The following RNF111 variants were observed in gnomAD, a reference collection of about 807,000 sequenced individuals.
The protein encoded by RNF111 is E3 ubiquitin-protein ligase Arkadia.
In RNF111, 17 loss-of-function variants were observed where a neutral mutation model predicts 95.1. The ratio of observed to expected loss-of-function variants is 0.18; its 90% CI spans 0.12 to 0.27. The LOEUF (loss-of-function observed/expected upper bound fraction) is 0.27. Ranked by LOEUF, RNF111 falls within the 10% of genes least tolerant of loss-of-function variation. The pLI is 1.00. For synonymous variants in RNF111, 440 were observed against 414.8 expected (o/e 1.06, Z -0.74); for missense variants, 1,189 against 1,210.4 (o/e 0.98, Z 0.26).
At position 59,075,981 on chromosome 15, in the gene RNF111, A is replaced by AGTG. The variant is rs1566935402; in HGVS notation, c.1717_1719dup (p.Gly573dup). 1 of 1,614,236 alleles carries AGTG rather than the reference A, an allele frequency of 6.2e-7. No homozygotes were observed. Among genetic ancestry groups the AGTG allele is most frequent in the East Asian group, 2.2e-5 (1 of 44,876 alleles). On this transcript the variant is annotated inframe_insertion, in exon 7 of 14. Transcript: ENST00000348370. ...GGCATTGCCAGTGGACCTGAGCAAC[A>AGTG]GTGGTATCAGAAGTCATGGAAGTGG... is the stretch of plus-strand genomic sequence containing the variant.
chr15:59,089,083 A>G (rs1412453688), intron 10 of RNF111, among the ~76,000 whole-genome samples: 2 of 152,098 alleles, frequency 1.3e-5, no homozygotes, highest in Non-Finnish European at 2.9e-5. Context: ...GGCAACTGCA[A>G]TTTTTTGCCA....
chr15:59,007,836 G>A (rs1445917100), intron 1 of RNF111, among the ~76,000 whole-genome samples: 1 of 151,980 alleles, frequency 6.6e-6, no homozygotes. Context: ...TTTTTTGTGG[G>A]GTTGTGTTAT....
chr15:59,004,474 A>G (rs1277829297), intron 1 of RNF111, among the ~76,000 whole-genome samples: 1 of 152,178 alleles, frequency 6.6e-6, no homozygotes, highest in Non-Finnish European at 1.5e-5. Flanking sequence ...TCTTTTTATC[A>G]CCTTGATCAG....
chr15:59,072,011 TCA>T (rs1323320015), intron 6 of RNF111, among the ~76,000 whole-genome samples: 11 of 152,232 alleles, frequency 7.2e-5, no homozygotes, highest in Non-Finnish European at 1.0e-4. Context: ...TAAAAATACT[TCA>T]GTTTAAAAAT....
At chr15:59,071,772 A>G (rs972616276) in intron 6 of RNF111, among the ~76,000 whole-genome samples, 1 of 152,180 alleles carries the variant, frequency 6.6e-6, no homozygotes, top group Non-Finnish European at 1.5e-5. Context: ...TTATTTCCCA[A>G]CTTAGTTGAT....
chr15:59,004,308 T>A (rs143311514), intron 1 of RNF111: 54 of 221,754 alleles, frequency 2.4e-4, no homozygotes, highest in African/African-American at 1.1e-3. Flanking sequence ...ACTTGCTGTT[T>A]AGGTTTACTG....
At chr15:59,051,623 G>A (rs1396405917) in intron 2 of RNF111, among the ~76,000 whole-genome samples, 3 of 151,668 alleles carry the variant, frequency 2.0e-5, no homozygotes, top group Non-Finnish European at 4.4e-5. Flanking sequence ...TAAAAAATTA[G>A]CCTGGTGTGG....
In RNF111 at chr15:59,030,951, T is replaced by G. The variant is rs892994034; in HGVS notation, c.129T>G (p.Ile43Met). 3 of 1,614,080 alleles carry G rather than the reference T, an allele frequency of 1.9e-6. No individual in the cohort carries two copies. The Admixed American group carries it at 5.0e-5, about 27-fold the overall frequency. Reference sequence around the variant, plus strand: ...GGATCCTTTTGCATCCAGAGCCCATTGGGGCAGCCAAAAGTTTTCCTGCAG... The same window carrying G: ...GGATCCTTTTGCATCCAGAGCCCATGGGGGCAGCCAAAAGTTTTCCTGCAG... ...LKGILLHPEP[I>M]GAAKSFPAGV... The change falls in exon 2 of 14, where the codon ATT (isoleucine) becomes ATG (methionine). Residue 43 changes from isoleucine (I) to methionine (M), a missense_variant. Coordinates refer to ENST00000348370, the MANE Select transcript of RNF111 (RefSeq NM_017610.8).
Position 59,081,204 on chromosome 15 carries a change from A to C in RNF111, c.2217A>C (p.Ala739=), listed in dbSNP as rs746145886. 3.2e-5 allele frequency: 52 copies of C among 1,614,152 alleles called. No individual in the cohort carries two copies. The South Asian group carries it at 4.8e-4, about 15-fold the overall frequency. Residue 739 remains alanine (A), a synonymous_variant, in exon 8 of 14, where the codon GCA becomes GCC. Coordinates refer to ENST00000348370, the MANE Select transcript of RNF111 (RefSeq NM_017610.8). The part of the protein sequence containing the change: ...QPISHHIPAT[A]PPAQRLHPHE... ...TTTCGCACCATATTCCAGCCACAGC[A>C]CCTCCAGCACAGAGACTGCATCCTC...
chr15:59,062,177 G>A (rs1250008448), intron 5 of RNF111, among the ~76,000 whole-genome samples: 1 of 151,226 alleles, frequency 6.6e-6, no homozygotes, highest in Non-Finnish European at 1.5e-5. Flanking sequence ...CAAGTAGCTG[G>A]GACTACAGGC....
In RNF111 at chr15:59,097,193, CCTG is replaced by C. The variant is rs2079187050; in HGVS notation, c.*2298_*2300del. ...TGCTTTGTTTTGGTGTCTTCCATAT[CCTG>C]CTGCATCTTATATGTCAAAATGAAC... On this transcript the variant is annotated 3_prime_UTR_variant, in exon 14 of 14. Transcript: ENST00000348370. The C allele has an allele frequency of 6.6e-6, 1 of 152,208 alleles. No individual in the cohort carries two copies. The highest frequency in any genetic ancestry group is 6.5e-5 in the Admixed American group (1 of 15,280). The allele number at this position is 152,208 out of a possible 1,614,324, so 9.4% of individuals were successfully genotyped here. A position where few individuals can be genotyped will look rare whatever the true frequency, so the allele number is the denominator to read the frequency against.
intron 2 of RNF111, among the ~76,000 whole-genome samples, chr15:59,036,590 G>T (rs1468142779): frequency 4.6e-5 from 7 of 152,118 alleles, no homozygotes; most frequent in African/African-American, 1.7e-4. Flanking sequence ...CCATGATTCA[G>T]TTATCTCTGC....
rs745603584 is a variant in RNF111 at position 59,085,533 on chromosome 15, A to T, written c.2424-126A>T. 4.6e-4 allele frequency: 371 copies of T among 804,766 alleles called. No homozygotes were observed. The highest frequency in any genetic ancestry group is 5.5e-4 in the Non-Finnish European group (317 of 575,878). 49.9% of individuals were successfully genotyped at this position (804,766 alleles called of 1,614,324 possible). The stretch of plus-strand genomic sequence containing the variant: ...TTAGTTAAATATTTTGGGCTAAATT[A>T]TCTTTCCTCAGCTTTGTAAGTTAAG... On this transcript the variant is annotated intron_variant, in intron 9 of 13. Transcript: ENST00000348370.
At chr15:59,074,770 G>T (rs1282749846) in intron 6 of RNF111, among the ~76,000 whole-genome samples, 1 of 148,570 alleles carries the variant, frequency 6.7e-6, no homozygotes, top group African/African-American at 2.5e-5. Context: ...TCATGACTTG[G>T]CTAACTGGTG....
chr15:59,012,003 C>CTTTTTTTTTTTTTTTT lies in RNF111; in HGVS notation c.-19-18787_-19-18772dup, dbSNP rs71425836. 6.2e-4 allele frequency among the ~76,000 whole-genome samples: 25 copies of CTTTTTTTTTTTTTTTT among 40,448 alleles called. 3 individuals are homozygous for CTTTTTTTTTTTTTTTT. Among genetic ancestry groups the CTTTTTTTTTTTTTTTT allele is most frequent in the Admixed American group, 9.9e-4 (2 of 2,014 alleles). 26.5% of individuals were successfully genotyped at this position (40,448 alleles called of 152,430 possible). A position where few individuals can be genotyped will look rare whatever the true frequency, so the allele number is the denominator to read the frequency against. Reference sequence around the variant, plus strand: ...TTAGTGTTCTTTTTTGTTTGTTTGCCTTTTTTTTTTTTTTTTTTTTTTTTT... The same window carrying CTTTTTTTTTTTTTTTT: ...TTAGTGTTCTTTTTTGTTTGTTTGCCTTTTTTTTTTTTTTTTTTTTTTTTTTTTTTTTTTTTTTTTT... On this transcript the variant is annotated intron_variant, in intron 1 of 13. Transcript: ENST00000348370.
chr15:58,990,863 A>G (rs1045832042), intron 1 of RNF111, among the ~76,000 whole-genome samples: 2 of 152,102 alleles, frequency 1.3e-5, no homozygotes, highest in Non-Finnish European at 2.9e-5. Flanking sequence ...AAAAGTCCAC[A>G]ATTACATTTG....
chr15:59,022,935 T>C (rs961667834), intron 1 of RNF111, among the ~76,000 whole-genome samples: 1 of 152,120 alleles, frequency 6.6e-6, no homozygotes, highest in African/African-American at 2.4e-5. Flanking sequence ...ATTCCCTGGA[T>C]GACAGAGGAT....
rs770308265 is a variant in RNF111 at position 59,031,320 on chromosome 15, C to G, written c.498C>G (p.Ser166=). 6.2e-7 allele frequency: 1 copy of G among 1,614,018 alleles called. No homozygotes were observed. Among genetic ancestry groups the G allele is most frequent in the East Asian group, 2.2e-5 (1 of 44,880 alleles). Reference sequence around the variant, plus strand: ...ATAAAGAAGTCTCTGTAAGACATTCCCAGACCATTTTGAATGCTAAAAGTA... The same window carrying G: ...ATAAAGAAGTCTCTGTAAGACATTCGCAGACCATTTTGAATGCTAAAAGTA... The part of the protein sequence containing the change: ...DEDKEVSVRH[S]QTILNAKSRS... The change falls in exon 2 of 14, where the codon TCC becomes TCG. Residue 166 remains serine, a synonymous_variant. Transcript: ENST00000348370.
intron 10 of RNF111, among the ~76,000 whole-genome samples, chr15:59,087,929 AGT>A (rs1257265293): frequency 6.6e-6 from 1 of 152,196 alleles, no homozygotes; most frequent in East Asian, 1.9e-4. Flanking sequence ...AGTAATGGTG[AGT>A]GATGTAGATG....
Sources: allele counts gnomAD v4.1 joint callset (sites outside exome capture counted in the v4.1 genomes callset), GRCh38; gene constraint gnomAD v4.1.1; transcripts MANE v1.5; gene names NCBI Gene and HGNC (gene_info 2026-07-23, HGNC 2026-07-21).